The following DNAJA4 variants were observed in gnomAD, a reference collection of about 807,000 sequenced individuals.
The protein encoded by DNAJA4 is DnaJ heat shock protein family (Hsp40) member A4, also known as dnaJ homolog subfamily A member 4.
In DNAJA4, 32 loss-of-function variants were observed where a neutral mutation model predicts 39.7. The observed-to-expected ratio is 0.81, with a 90% CI of 0.61 to 1.08. DNAJA4 has a LOEUF of 1.08. Ranked by LOEUF, DNAJA4 falls within the 50% of genes least tolerant of loss-of-function variation. The pLI, the probability that DNAJA4 is intolerant of heterozygous loss-of-function variation, is 0.00. For synonymous variants in DNAJA4, 184 were observed against 182.4 expected (o/e 1.01, Z -0.07); for missense variants, 439 against 505.1 (o/e 0.87, Z 1.25).
Position 78,280,128 on chromosome 15 carries a change from C to A in DNAJA4, c.961C>A (p.Leu321Met). The A allele has an allele frequency of 6.2e-7, 1 of 1,614,204 alleles. No individual in the cohort carries two copies. The highest frequency in any genetic ancestry group is 1.7e-5 in the Admixed American group (1 of 60,032). The change falls in exon 6 of 7, where the codon CTG becomes ATG. Residue 321 changes from leucine to methionine, a missense_variant. Coordinates refer to ENST00000394852, the MANE Select transcript of DNAJA4 (RefSeq NM_001130182.2). ...CAAAGCACCCCTGGAAAAAGGGATTCTGATCATACAGTTTTTAGTAAGTTC... is the reference window on the plus strand; with the variant it reads ...CAAAGCACCCCTGGAAAAAGGGATTATGATCATACAGTTTTTAGTAAGTTC... ...IYKAPLEKGI[L>M]IIQFLVIFPE...
rs76599238 is a variant in DNAJA4, at chr15:78,268,403, T to A, written c.133-2094T>A. 2.4e-4 allele frequency among the ~76,000 whole-genome samples: 36 copies of A among 152,350 alleles called. No individual in the cohort carries two copies. The East Asian group carries it at 6.6e-3, about 28-fold the overall frequency. Reference sequence around the variant, plus strand: ...AAAGATCTAGCTGCCTTATATATGATGCTGATGTCTTTTTAAGACTTTTCT... The same window carrying A: ...AAAGATCTAGCTGCCTTATATATGAAGCTGATGTCTTTTTAAGACTTTTCT... On this transcript the variant is annotated intron_variant, in intron 1 of 6. Transcript: ENST00000394852.
chr15:78,275,577 T>A lies in DNAJA4; in HGVS notation c.726T>A (p.Ile242=). ...AGCTGGAGCCTGGTGATGTCATAAT[T>A]GTGCTTGATCAGAAGGATCATAGTG... ...EPELEPGDVI[I]VLDQKDHSVF... is the part of the protein sequence containing the mutation. The change falls in exon 5 of 7, where the codon ATT becomes ATA. Residue 242 remains isoleucine, a synonymous_variant. Transcript: ENST00000394852. 6.2e-7 allele frequency: 1 copy of A among 1,614,194 alleles called. No homozygotes were observed. Among genetic ancestry groups the A allele is most frequent in the South Asian group, 1.1e-5 (1 of 91,078 alleles).
In DNAJA4 at chr15:78,273,297, C is replaced by T; in HGVS notation, c.418+98C>T. ...TCAGGGAAAATAAGTTATCTTTTTT[C>T]AAATGCAAGGGTCAAGCAGAGATTA... On this transcript the variant is annotated intron_variant, in intron 3 of 6. Transcript: ENST00000394852. The T allele has an allele frequency of 3.8e-6, 3 of 785,816 alleles. 1 individual carries two copies. The highest frequency in any genetic ancestry group is 5.1e-4 in the Middle Eastern group (2 of 3,892). 48.7% of individuals were successfully genotyped at this position (785,816 alleles called of 1,614,324 possible). A position where few individuals can be genotyped will look rare whatever the true frequency, so the allele number is the denominator to read the frequency against.
intron 1 of DNAJA4, chr15:78,266,133 G>A: frequency 2.6e-6 from 3 of 1,168,132 alleles, no homozygotes; most frequent in Non-Finnish European, 3.7e-6. Flanking sequence ...ACATGGTGCT[G>A]GTGATTCATC....
intron 5 of DNAJA4, among the ~76,000 whole-genome samples, chr15:78,277,331 C>T (rs2049496659): frequency 6.6e-6 from 1 of 152,116 alleles, no homozygotes; most frequent in Non-Finnish European, 1.5e-5. Flanking sequence ...AATGTTTGTA[C>T]TTTTTGTAGA....
At chr15:78,264,157 C>T (rs1340729054), upstream of DNAJA4, 1 of 477,686 alleles carries the variant, frequency 2.1e-6, no homozygotes, top group South Asian at 4.8e-5. Flanking sequence ...TCCCACCCTT[C>T]GGCGCAGGGC....
chr15:78,272,083 C>T (rs2141444365), intron 2 of DNAJA4, among the ~76,000 whole-genome samples: 1 of 152,234 alleles, frequency 6.6e-6, no homozygotes, highest in East Asian at 1.9e-4. Context: ...ATGATAAAAC[C>T]TTGGGTACTT....
intron 2 of DNAJA4, 89 bp from the exon 3 acceptor site, chr15:78,273,006 A>G (rs987174434): frequency 2.6e-6 from 2 of 781,034 alleles, no homozygotes; most frequent in Middle Eastern, 3.5e-4. Flanking sequence ...GTCTCTGGAG[A>G]CTTCATACAA....
intron 4 of DNAJA4, chr15:78,275,229 G>A (rs2049418384): frequency 2.2e-6 from 1 of 450,672 alleles, no homozygotes; most frequent in Non-Finnish European, 4.0e-6. Context: ...CACAGGCCCT[G>A]GGCAGGGAGT....
Position 78,280,031 on chromosome 15 carries a change from C to T in DNAJA4, c.878-14C>T, listed in dbSNP as rs372693021. 30 of 1,613,436 alleles carry T rather than the reference C, an allele frequency of 1.9e-5. No homozygotes were observed. The highest frequency in any genetic ancestry group is 2.7e-5 in the African/African-American group (2 of 74,886). ...TCTGCCTTCCTCCTTCCTAATTGAC[C>T]CTTTCTCTGGCAGGTGAGGTGATAA... On this transcript the variant is annotated splice_polypyrimidine_tract_variant and intron_variant, in intron 5 of 6. Transcript: ENST00000394852.
rs1172849846 is a variant in DNAJA4 at position 78,279,341 on chromosome 15, C to T, written c.878-704C>T. ...ATGCTTTATCAGAAACCCTTTTGTC[C>T]CTTTCCTTTTCCATGCTTAGAGGGA... On this transcript the variant is annotated intron_variant, in intron 5 of 6. Transcript: ENST00000394852. The surrounding 1 kb of genome is among the most constrained non-coding windows in gnomAD (Gnocchi z 4.5). The T allele has an allele frequency of 2.0e-5, 3 of 152,284 alleles. No homozygotes were observed. Among genetic ancestry groups the T allele is most frequent in the African/African-American group, 7.2e-5 (3 of 41,448 alleles). The allele number at this position is 152,284 out of a possible 1,614,324, so 9.4% of individuals were successfully genotyped here. A position where few individuals can be genotyped will look rare whatever the true frequency, so the allele number is the denominator to read the frequency against.
chr15:78,272,632 C>T (rs1447295880), intron 2 of DNAJA4, among the ~76,000 whole-genome samples: 1 of 152,196 alleles, frequency 6.6e-6, no homozygotes, highest in Non-Finnish European at 1.5e-5. Context: ...CCCATTTGGC[C>T]ACCGGTTACA....
intron 1 of DNAJA4, 31 bp from the exon 2 acceptor site, chr15:78,270,466 C>A (rs1368219556): frequency 1.3e-6 from 2 of 1,591,062 alleles, no homozygotes; most frequent in Non-Finnish European, 8.6e-7. Context: ...TGAAACTTCT[C>A]TAAAAATCTC....
rs1312593388 is a variant in DNAJA4, at chr15:78,270,672, G to A, written c.308G>A (p.Arg103Lys). The A allele has an allele frequency of 6.2e-7, 1 of 1,612,230 alleles. No individual in the cohort carries two copies. The highest frequency in any genetic ancestry group is 1.7e-5 in the Admixed American group (1 of 59,504). The change falls in exon 2 of 7, where the codon AGA becomes AAA. Residue 103 changes from arginine to lysine, a missense_variant. Arg to Lys is a conservative substitution (Grantham distance 26, BLOSUM62 2). Coordinates refer to ENST00000394852, the MANE Select transcript of DNAJA4 (RefSeq NM_001130182.2). Reference sequence around the variant, plus strand: ...GGTGGTGGACGGATGGCTAGAGAGAGAAGAGGTAAATGCTTTTAAAGAAAC... The same window carrying A: ...GGTGGTGGACGGATGGCTAGAGAGAAAAGAGGTAAATGCTTTTAAAGAAAC... ...FGGGGRMARE[R>K]RGKNVVHQLS...
chr15:78,271,736 A>G (rs2049304468), intron 2 of DNAJA4, among the ~76,000 whole-genome samples: 1 of 152,152 alleles, frequency 6.6e-6, no homozygotes, highest in African/African-American at 2.4e-5. Context: ...AGTAGTTGCT[A>G]ATAGACTAGT....
intron 1 of DNAJA4, chr15:78,270,077 A>G (rs2049251266): frequency 6.4e-6 from 1 of 155,106 alleles, no homozygotes; most frequent in Admixed American, 6.4e-5. Flanking sequence ...GTTGAATTTC[A>G]TTCTAGTAAA....
chr15:78,280,016 T>G, intron 5 of DNAJA4, 29 bp from the exon 6 acceptor site: 5 of 1,574,470 alleles, frequency 3.2e-6, no homozygotes, highest in Non-Finnish European at 4.3e-6. Flanking sequence ...TCTGCCTTCC[T>G]CCTTCCTAAT....
At chr15:78,264,954 G>A in intron 1 of DNAJA4, 59 bp downstream of exon 1, 1 of 1,483,566 alleles carries the variant, frequency 6.7e-7, no homozygotes, top group Non-Finnish European at 9.0e-7. Context: ...TATTAAGCCA[G>A]GAGCATTGAA....
At chr15:78,272,585 G>A (rs1473275598) in intron 2 of DNAJA4, among the ~76,000 whole-genome samples, 2 of 152,168 alleles carry the variant, frequency 1.3e-5, no homozygotes. Context: ...CCACTGTCCT[G>A]AGTTGCAGAA....
Sources: allele counts gnomAD v4.1 joint callset (sites outside exome capture counted in the v4.1 genomes callset), GRCh38; gene constraint gnomAD v4.1.1; non-coding constraint Gnocchi (gnomAD v3.1); transcripts MANE v1.5; gene names NCBI Gene and HGNC (gene_info 2026-07-23, HGNC 2026-07-21).